Variants in TTF2 observed in about 807,000 individuals in gnomAD.
TTF2 encodes the protein transcription termination factor 2, also known as RNA polymerase II termination factor.
TTF2 carries 108 observed loss-of-function variants against 142.4 expected under a neutral mutation model. That is an observed-to-expected ratio of 0.76 (90% CI 0.65 to 0.89). TTF2 has a LOEUF of 0.89. Among genes scored for constraint, TTF2 ranks in the 40% least tolerant of loss-of-function variants. The pLI is 0.00. For synonymous variants in TTF2, 483 were observed against 506.2 expected (o/e 0.95, Z 0.61); for missense variants, 1,327 against 1,379.8 (o/e 0.96, Z 0.61).
In TTF2 at chr1:117,076,257, G is replaced by A. The variant is rs746805753; in HGVS notation, c.1353G>A (p.Glu451=). The change falls in exon 6 of 23, where the codon GAG becomes GAA. Residue 451 remains glutamate (E), a synonymous_variant. Coordinates refer to ENST00000369466, the MANE Select transcript of TTF2 (RefSeq NM_003594.4). This position sits in a 1 kb window ranked among gnomAD's most constrained non-coding sequence, Gnocchi z 4.6. ...TGATCAAACAAATCCAGGAGCTGGA[G>A]GAAGTACTCAGTGGTCTTACCCTTT... ...QKLIKQIQEL[E]EVLSGLTLSP... The A allele has an allele frequency of 6.2e-7, 1 of 1,613,990 alleles. No individual in the cohort carries two copies. Among genetic ancestry groups the A allele is most frequent in the East Asian group, 2.2e-5 (1 of 44,880 alleles).
rs1169726982 is a variant in TTF2 at position 117,104,147 on chromosome 1, A to G, written c.*2623A>G. 6.6e-6 allele frequency: 1 copy of G among 152,204 alleles called. No individual in the cohort carries two copies. Among genetic ancestry groups the G allele is most frequent in the African/African-American group, 2.4e-5 (1 of 41,444 alleles). The allele number at this position is 152,204 out of a possible 1,614,324, so 9.4% of individuals were successfully genotyped here. Reference sequence around the variant, plus strand: ...GACATACCAAGGTAAAGATTGAGTCACCTGAGAAGCAGTGGCTCCCAGGCC... The same window carrying G: ...GACATACCAAGGTAAAGATTGAGTCGCCTGAGAAGCAGTGGCTCCCAGGCC... On this transcript the variant is annotated 3_prime_UTR_variant, in exon 23 of 23. Coordinates refer to ENST00000369466, the MANE Select transcript of TTF2 (RefSeq NM_003594.4).
chr1:117,091,714 T>C, intron 16 of TTF2, 103 bp from the exon 17 acceptor site: 1 of 1,410,724 alleles, frequency 7.1e-7, no homozygotes. Context: ...TTATTGAGTC[T>C]GAGATCAAAC....
Position 117,085,986 on chromosome 1 carries a change from C to G in TTF2, c.2055-431C>G, listed in dbSNP as rs1647964192. Among the ~76,000 whole-genome samples the G allele has an allele frequency of 6.6e-6, 1 of 152,090 alleles. No homozygotes were observed. The highest frequency in any genetic ancestry group is 2.1e-4 in the South Asian group (1 of 4,824). On this transcript the variant is annotated intron_variant, in intron 11 of 22. Transcript: ENST00000369466. The surrounding 1 kb of genome is among the most constrained non-coding windows in gnomAD (Gnocchi z 4.7). Reference sequence around the variant, plus strand: ...ACAGTGTTTTGAAGTTATCTTTCTCCCCTGGGACTTTGGTGTCATCCATCT... The same window carrying G: ...ACAGTGTTTTGAAGTTATCTTTCTCGCCTGGGACTTTGGTGTCATCCATCT...
Position 117,101,374 on chromosome 1 carries a change from T to G in TTF2, c.3345-6T>G, listed in dbSNP as rs369790693. 30 of 1,573,558 alleles carry G rather than the reference T, an allele frequency of 1.9e-5. No individual in the cohort carries two copies. Among genetic ancestry groups the G allele is most frequent in the Non-Finnish European group, 2.6e-5 (30 of 1,169,150 alleles). ...AGTTTGCTTATTTTTTGTTTTTGTT[T>G]TTTAGATTTGTTTGTGAGGGAACAG... On this transcript the variant is annotated splice_region_variant and splice_polypyrimidine_tract_variant and intron_variant, in intron 22 of 22. Coordinates refer to ENST00000369466, the MANE Select transcript of TTF2 (RefSeq NM_003594.4). This position sits in a 1 kb window ranked among gnomAD's most constrained non-coding sequence, Gnocchi z 5.9.
rs768909624 is a variant in TTF2, at chr1:117,092,686, G to A, written c.2806-45G>A. ...ACATCATCAACAAGTAACAAGGTTT[G>A]CTCCCTTGACTCCCAGCTGCTCCTG... On this transcript the variant is annotated intron_variant, in intron 17 of 22. Transcript: ENST00000369466. This position sits in a 1 kb window ranked among gnomAD's most constrained non-coding sequence, Gnocchi z 4.4. 6.3e-7 allele frequency: 1 copy of A among 1,582,382 alleles called. No individual in the cohort carries two copies. The highest frequency in any genetic ancestry group is 2.2e-5 in the East Asian group (1 of 44,454).
In TTF2 at chr1:117,073,931, T is replaced by C. The variant is rs542268255; in HGVS notation, c.285+204T>C. On this transcript the variant is annotated intron_variant, in intron 4 of 22. Transcript: ENST00000369466. This position sits in a 1 kb window ranked among gnomAD's most constrained non-coding sequence, Gnocchi z 4.4. ...TCGTAATCAAGATTAATTATTTGCATCCTATTTCACTTAGTAAATATTTTT... is the reference window on the plus strand; with the variant it reads ...TCGTAATCAAGATTAATTATTTGCACCCTATTTCACTTAGTAAATATTTTT... 1.3e-5 allele frequency among the ~76,000 whole-genome samples: 2 copies of C among 152,346 alleles called. No individual in the cohort carries two copies. Among genetic ancestry groups the C allele is most frequent in the East Asian group, 3.9e-4 (2 of 5,190 alleles).
At chr1:117,091,489 G>A (rs545480393) in intron 16 of TTF2, 79 bp downstream of exon 16, 2 of 1,409,762 alleles carry the variant, frequency 1.4e-6, no homozygotes, top group Non-Finnish European at 1.9e-6. Context: ...GAAATGTGAG[G>A]TTATGAATCC....
chr1:117,081,735 G>A lies in TTF2; in HGVS notation c.1784-93G>A, dbSNP rs904710052. 4.1e-6 allele frequency: 6 copies of A among 1,474,718 alleles called. No individual in the cohort carries two copies. The African/African-American group carries it at 8.4e-5, about 21-fold the overall frequency. 91.4% of individuals were successfully genotyped at this position (1,474,718 alleles called of 1,614,324 possible). ...CGGAGTGGCACTGACAGAGAACAAT[G>A]GGGAAATGTCTGCCAGTGGTTTCTC... On this transcript the variant is annotated intron_variant, in intron 9 of 22. Transcript: ENST00000369466.
Position 117,090,021 on chromosome 1 carries a change from C to A in TTF2, c.2343-34C>A. The A allele has an allele frequency of 6.2e-7, 1 of 1,602,380 alleles. No homozygotes were observed. The highest frequency in any genetic ancestry group is 1.1e-5 in the South Asian group (1 of 89,148). On this transcript the variant is annotated intron_variant, in intron 13 of 22. Transcript: ENST00000369466. The surrounding 1 kb of genome is among the most constrained non-coding windows in gnomAD (Gnocchi z 4.8). ...ATTCCATTCTCCCTGACTTTTCCTT[C>A]CCTACTCTGTGCCCTTCTTCCTCAA...
rs1468987331 is a variant in TTF2 at position 117,079,027 on chromosome 1, G to A, written c.1702-541G>A. On this transcript the variant is annotated intron_variant, in intron 8 of 22. Transcript: ENST00000369466. The surrounding 1 kb of genome is among the most constrained non-coding windows in gnomAD (Gnocchi z 4.2). ...GGCCGAGGCAGGCAGATCACTTGAG[G>A]CCAGGAGCTCAAGACTAGCCTGGCC... 6.6e-6 allele frequency among the ~76,000 whole-genome samples: 1 copy of A among 152,142 alleles called. No individual in the cohort carries two copies. The highest frequency in any genetic ancestry group is 1.5e-5 in the Non-Finnish European group (1 of 68,038).
rs763534494 is a variant in TTF2 at position 117,090,137 on chromosome 1, T to C, written c.2425T>C (p.Leu809=). Residue 809 remains leucine, a synonymous_variant, in exon 14 of 23, where the codon TTA becomes CTA. Coordinates refer to ENST00000369466, the MANE Select transcript of TTF2 (RefSeq NM_003594.4). This position sits in a 1 kb window ranked among gnomAD's most constrained non-coding sequence, Gnocchi z 4.8. Reference sequence around the variant, plus strand: ...TGGCTCAAAGAAAGGAGGAGAACGGTTAAGTATTTTAACCAAGAGCCTTTT... The same window carrying C: ...TGGCTCAAAGAAAGGAGGAGAACGGCTAAGTATTTTAACCAAGAGCCTTTT... ...DNGSKKGGER[L]SILTKSLLLR... The C allele has an allele frequency of 1.2e-6, 2 of 1,613,918 alleles. No homozygotes were observed. The highest frequency in any genetic ancestry group is 1.7e-6 in the Non-Finnish European group (2 of 1,179,970).
chr1:117,065,720 A>G (rs530212582), intron 3 of TTF2, among the ~76,000 whole-genome samples: 3 of 151,812 alleles, frequency 2.0e-5, no homozygotes, highest in African/African-American at 4.8e-5. Flanking sequence ...ATTTTTTTTA[A>G]TTTTGTTTTT....
chr1:117,082,061 G>T, intron 10 of TTF2, 114 bp downstream of exon 10: 3 of 1,466,722 alleles, frequency 2.0e-6, no homozygotes, highest in Non-Finnish European at 1.9e-6. Flanking sequence ...TACTCTACTG[G>T]AAAACCAGTA....
rs1429093712 is a variant in TTF2, at chr1:117,105,191, G to A, written c.*3667G>A. 1.3e-5 allele frequency: 2 copies of A among 152,186 alleles called. No individual in the cohort carries two copies. Among genetic ancestry groups the A allele is most frequent in the African/African-American group, 4.8e-5 (2 of 41,448 alleles). The allele number at this position is 152,186 out of a possible 1,614,324, so 9.4% of individuals were successfully genotyped here. On this transcript the variant is annotated 3_prime_UTR_variant, in exon 23 of 23. Transcript: ENST00000369466. The surrounding 1 kb of genome is among the most constrained non-coding windows in gnomAD (Gnocchi z 4.7). Reference sequence around the variant, plus strand: ...GTGTTATTGCTGTGGGACAAGGTCTGGGAATATGAGAACCAGCAGCAGCAT... The same window carrying A: ...GTGTTATTGCTGTGGGACAAGGTCTAGGAATATGAGAACCAGCAGCAGCAT...
chr1:117,092,046 G>T lies in TTF2; in HGVS notation c.2805+96G>T. On this transcript the variant is annotated intron_variant, in intron 17 of 22. Coordinates refer to ENST00000369466, the MANE Select transcript of TTF2 (RefSeq NM_003594.4). This position sits in a 1 kb window ranked among gnomAD's most constrained non-coding sequence, Gnocchi z 4.4. The stretch of plus-strand genomic sequence containing the variant: ...CCTCCAACTGGAATCCAGTCTGCTT[G>T]ATCAAAGGAAATGCTGTTTCGGTTT... The T allele has an allele frequency of 7.6e-7, 1 of 1,317,656 alleles. No homozygotes were observed. Among genetic ancestry groups the T allele is most frequent in the South Asian group, 1.7e-5 (1 of 58,492 alleles). The allele number at this position is 1,317,656 out of a possible 1,614,324, so 81.6% of individuals were successfully genotyped here.
chr1:117,075,304 A>C lies in TTF2; in HGVS notation c.720A>C (p.Ser240=), dbSNP rs1363825344. Residue 240 remains serine (S), a synonymous_variant, in exon 5 of 23, where the codon TCA becomes TCC. Coordinates refer to ENST00000369466, the MANE Select transcript of TTF2 (RefSeq NM_003594.4). This position sits in a 1 kb window ranked among gnomAD's most constrained non-coding sequence, Gnocchi z 4.5. ...TRPSASSQEK[S]SGKSQDVQRE... is the part of the protein sequence containing the mutation. ...CATCTGCATCTTCTCAGGAGAAATC[A>C]AGTGGTAAGAGTCAAGATGTCCAAA... The C allele has an allele frequency of 5.0e-6, 8 of 1,614,106 alleles. No homozygotes were observed. Among genetic ancestry groups the C allele is most frequent in the Non-Finnish European group, 5.9e-6 (7 of 1,180,044 alleles).
Position 117,101,312 on chromosome 1 carries a change from G to T in TTF2, c.3345-68G>T. Reference sequence around the variant, plus strand: ...AAAAATGAAAGCATAATAAAAGTTTGAATATATTATTAGATGTGCTGCTTA... The same window carrying T: ...AAAAATGAAAGCATAATAAAAGTTTTAATATATTATTAGATGTGCTGCTTA... On this transcript the variant is annotated intron_variant, in intron 22 of 22. Coordinates refer to ENST00000369466, the MANE Select transcript of TTF2 (RefSeq NM_003594.4). The surrounding 1 kb of genome is among the most constrained non-coding windows in gnomAD (Gnocchi z 5.9). 1 of 1,423,050 alleles carries T rather than the reference G, an allele frequency of 7.0e-7. No homozygotes were observed. Among genetic ancestry groups the T allele is most frequent in the Non-Finnish European group, 9.4e-7 (1 of 1,067,042 alleles). The allele number at this position is 1,423,050 out of a possible 1,614,324, so 88.2% of individuals were successfully genotyped here. A position where few individuals can be genotyped will look rare whatever the true frequency, so the allele number is the denominator to read the frequency against.
chr1:117,092,925 A>G lies in TTF2; in HGVS notation c.2976+24A>G, dbSNP rs370241658. 2.5e-5 allele frequency: 41 copies of G among 1,612,284 alleles called. No individual in the cohort carries two copies. The African/African-American group carries it at 4.8e-4, about 19-fold the overall frequency. On this transcript the variant is annotated intron_variant, in intron 18 of 22. Transcript: ENST00000369466. The surrounding 1 kb of genome is among the most constrained non-coding windows in gnomAD (Gnocchi z 4.4). The stretch of plus-strand genomic sequence containing the variant: ...AGGTACTTTTTGTCTCCTCTGTAGT[A>G]GTCGAGAGACTTCGATTCCTCACAC...
At chr1:117,088,184 G>A (rs945714124) in intron 12 of TTF2, among the ~76,000 whole-genome samples, 2 of 152,146 alleles carry the variant, frequency 1.3e-5, no homozygotes, top group African/African-American at 4.8e-5. Flanking sequence ...TGAATTTGCA[G>A]GTTCAATGCC....
Sources: gnomAD v4.1 joint callset for allele counts (sites outside exome capture counted in the v4.1 genomes callset) on GRCh38, gnomAD v4.1.1 for gene constraint, Gnocchi (gnomAD v3.1) non-coding constraint, MANE v1.5 for transcripts, NCBI Gene and HGNC (gene_info 2026-07-23, HGNC 2026-07-21) for gene names.